PRKG1: variants seen among roughly 807,000 people sequenced by gnomAD.
PRKG1 encodes protein kinase cGMP-dependent 1.
PRKG1 carries 35 observed loss-of-function variants against 88.1 expected under a neutral mutation model. The observed-to-expected ratio is 0.40, with a 90% CI of 0.30 to 0.53. PRKG1 has a LOEUF of 0.53. Among genes scored for constraint, PRKG1 ranks in the 20% least tolerant of loss-of-function variants. PRKG1 has a pLI of 0.59. For missense variants in PRKG1, 540 were observed against 839.8 expected (o/e 0.64, Z 4.41); for synonymous variants, 303 against 292.5 (o/e 1.04, Z -0.37).
At chr10:51,226,788 G>A (rs1239354566) in intron 2 of PRKG1, among the ~76,000 whole-genome samples, 1 of 152,094 alleles carries the variant, frequency 6.6e-6, no homozygotes, top group African/African-American at 2.4e-5. Flanking sequence ...TGAAATGAGA[G>A]CAAGACATAG....
chr10:52,067,873 G>A (rs1486332309), intron 7 of PRKG1, among the ~76,000 whole-genome samples: 5 of 152,202 alleles, frequency 3.3e-5, no homozygotes, highest in African/African-American at 1.2e-4. Flanking sequence ...TAACTCATAA[G>A]TCAATCCATC....
intron 2 of PRKG1, among the ~76,000 whole-genome samples, chr10:51,204,448 A>G (rs920158107): frequency 2.1e-4 from 32 of 150,634 alleles, no homozygotes; most frequent in African/African-American, 7.8e-4. Flanking sequence ...TCAGGAAAGG[A>G]TTTTGATGCT....
At chr10:51,267,224 T>C (rs1839858791) in intron 2 of PRKG1, among the ~76,000 whole-genome samples, 1 of 152,184 alleles carries the variant, frequency 6.6e-6, no homozygotes, top group African/African-American at 2.4e-5. Flanking sequence ...TGATCACACG[T>C]AATTACATAA....
At chr10:52,193,073 A>G (rs1016868989) in intron 9 of PRKG1, among the ~76,000 whole-genome samples, 1 of 152,160 alleles carries the variant, frequency 6.6e-6, no homozygotes, top group Admixed American at 6.5e-5. Flanking sequence ...TCCTAGAGCA[A>G]CAAAGGCTCT....
At chr10:51,930,647 T>C (rs1194876216) in intron 5 of PRKG1, among the ~76,000 whole-genome samples, 1 of 151,788 alleles carries the variant, frequency 6.6e-6, no homozygotes, top group African/African-American at 2.4e-5. Context: ...TGTGCCATCA[T>C]GCCCAGCTAG....
At chr10:51,874,493 T>C (rs1564687619) in intron 4 of PRKG1, among the ~76,000 whole-genome samples, 2 of 152,224 alleles carry the variant, frequency 1.3e-5, no homozygotes, top group African/African-American at 4.8e-5. Context: ...GCAAATCCAA[T>C]ATGTTGTTGA....
chr10:51,926,029 T>C (rs73335479), intron 5 of PRKG1, among the ~76,000 whole-genome samples: 7,159 of 152,222 alleles, frequency 0.047, 561 homozygotes, highest in African/African-American at 0.16. Context: ...TACTGTTATT[T>C]ATTATTATTC....
chr10:51,370,678 TA>T (rs1255172679), intron 2 of PRKG1, among the ~76,000 whole-genome samples: 18 of 151,942 alleles, frequency 1.2e-4, no homozygotes, highest in Non-Finnish European at 2.5e-4. Context: ...AAAATAAATC[TA>T]AAAAAAGGTA....
intron 5 of PRKG1, among the ~76,000 whole-genome samples, chr10:51,974,469 T>G (rs543379099): frequency 6.6e-6 from 1 of 152,194 alleles, no homozygotes; most frequent in African/African-American, 2.4e-5. Context: ...AGTCCAAACT[T>G]GATCCATCGT....
At chr10:52,036,262 A>C in intron 5 of PRKG1, among the ~76,000 whole-genome samples, 1 of 151,998 alleles carries the variant, frequency 6.6e-6, no homozygotes, top group African/African-American at 2.4e-5. Flanking sequence ...GATCTAGAAC[A>C]GAATAATAGG....
chr10:51,830,548 GTT>G (rs1022530024), intron 4 of PRKG1, among the ~76,000 whole-genome samples: 3 of 116,224 alleles, frequency 2.6e-5, no homozygotes, highest in Non-Finnish European at 3.8e-5. Flanking sequence ...CTCTTAAAGT[GTT>G]TTTTTTTTTG....
intron 3 of PRKG1, among the ~76,000 whole-genome samples, chr10:51,714,958 A>G (rs1198196962): frequency 6.6e-6 from 1 of 152,190 alleles, no homozygotes; most frequent in Admixed American, 6.5e-5. Context: ...ATATTTAATG[A>G]AAAAGAGCAA....
chr10:52,275,258 A>G (rs1841845119), intron 12 of PRKG1, among the ~76,000 whole-genome samples: 1 of 152,130 alleles, frequency 6.6e-6, no homozygotes, highest in African/African-American at 2.4e-5. Context: ...TCTTTGCCTA[A>G]GCCAATGTCT....
chr10:51,313,320 A>G (rs1257430714), intron 2 of PRKG1, among the ~76,000 whole-genome samples: 1 of 152,138 alleles, frequency 6.6e-6, no homozygotes, highest in African/African-American at 2.4e-5. Context: ...TTTCTAGATG[A>G]GTAAAGAGTA....
intron 3 of PRKG1, among the ~76,000 whole-genome samples, chr10:51,541,365 G>T (rs1300123527): frequency 6.6e-6 from 1 of 152,166 alleles, no homozygotes; most frequent in Non-Finnish European, 1.5e-5. Context: ...CCACAGACCT[G>T]TACAGGTCCT....
At position 51,542,854 on chromosome 10, in the gene PRKG1, C is replaced by T. The variant is rs114624639; in HGVS notation, c.592+75018C>T. On this transcript the variant is annotated intron_variant, in intron 3 of 17. Coordinates refer to ENST00000373980, the MANE Select transcript of PRKG1 (RefSeq NM_006258.4). ...TGTAGCCTATCTGGACCTCTTACCA[C>T]GTCTATAATAAAAGATTAGATTACA... Among the ~76,000 whole-genome samples the T allele has an allele frequency of 3.7e-3, 566 of 152,232 alleles. 4 individuals carry two copies. Among genetic ancestry groups the T allele is most frequent in the African/African-American group, 0.013 (535 of 41,542 alleles).
chr10:51,334,292 C>A (rs1588851648), intron 2 of PRKG1, among the ~76,000 whole-genome samples: 1 of 151,840 alleles, frequency 6.6e-6, no homozygotes, highest in Non-Finnish European at 1.5e-5. Context: ...TGTAAATTCT[C>A]CAGGATATAT....
At chr10:51,996,881 C>A (rs1442754971) in intron 5 of PRKG1, among the ~76,000 whole-genome samples, 2 of 152,056 alleles carry the variant, frequency 1.3e-5, no homozygotes, top group Non-Finnish European at 1.5e-5. Context: ...ATAGAATCAA[C>A]CTGAATGTTC....
intron 3 of PRKG1, among the ~76,000 whole-genome samples, chr10:51,516,196 G>C (rs963653489): frequency 6.6e-6 from 1 of 152,130 alleles, no homozygotes; most frequent in Non-Finnish European, 1.5e-5. Context: ...TGGAATGCTG[G>C]AATGGGGATG....
Sources: gnomAD v4.1 joint callset for allele counts (sites outside exome capture counted in the v4.1 genomes callset) on GRCh38, gnomAD v4.1.1 for gene constraint, MANE v1.5 for transcripts, NCBI Gene and HGNC (gene_info 2026-07-23, HGNC 2026-07-21) for gene names.